The following LRRC20 variants were observed in gnomAD, a reference collection of about 807,000 sequenced individuals.
The protein encoded by LRRC20 is leucine-rich repeat-containing protein 20.
In LRRC20, 11 loss-of-function variants were observed where a neutral mutation model predicts 14.4. The ratio of observed to expected loss-of-function variants is 0.77; its 90% CI spans 0.48 to 1.27. LRRC20 has a LOEUF of 1.27. LRRC20 is among the 50% of genes most tolerant of loss of function. LRRC20 has a pLI of 0.00. For synonymous variants in LRRC20, 121 were observed against 107.3 expected (o/e 1.13, Z -0.79); for missense variants, 219 against 251.2 (o/e 0.87, Z 0.87).
chr10:70,302,734 G>A (rs1409987874), intron 4 of LRRC20, among the ~76,000 whole-genome samples: 4 of 148,662 alleles, frequency 2.7e-5, no homozygotes, highest in Admixed American at 6.7e-5. Context: ...TTTTTGAGAC[G>A]GAGTTTCGCT....
intron 4 of LRRC20, among the ~76,000 whole-genome samples, chr10:70,308,579 A>G (rs374685969): frequency 4.8e-4 from 73 of 152,224 alleles, no homozygotes; most frequent in African/African-American, 1.6e-3. Flanking sequence ...TGTGTCCCCA[A>G]TAAGAAGACT....
intron 2 of LRRC20, among the ~76,000 whole-genome samples, chr10:70,346,456 G>A (rs1283640424): frequency 6.6e-6 from 1 of 152,064 alleles, no homozygotes; most frequent in African/African-American, 2.4e-5. Flanking sequence ...TTTCCCCTAT[G>A]GAAAATCCTA....
intron 4 of LRRC20, 40 bp from the exon 5 acceptor site, chr10:70,301,548 C>T (rs765885022): frequency 9.4e-6 from 15 of 1,599,456 alleles, no homozygotes; most frequent in Non-Finnish European, 1.2e-5. Flanking sequence ...TGGTGGAGGC[C>T]AACCAGACAG....
chr10:70,352,769 T>G (rs559800184), intron 2 of LRRC20, among the ~76,000 whole-genome samples: 2 of 152,308 alleles, frequency 1.3e-5, no homozygotes, highest in African/African-American at 4.8e-5. Context: ...ATTAAATATT[T>G]TTTAAAATGT....
At chr10:70,322,361 G>A (rs1225116630) in intron 4 of LRRC20, among the ~76,000 whole-genome samples, 1 of 152,228 alleles carries the variant, frequency 6.6e-6, no homozygotes, top group Non-Finnish European at 1.5e-5. Context: ...AGGAAGTGGA[G>A]GCATCTTGAG....
At chr10:70,356,882 CA>C (rs533054891) in intron 2 of LRRC20, among the ~76,000 whole-genome samples, 5 of 149,886 alleles carry the variant, frequency 3.3e-5, no homozygotes, top group African/African-American at 1.2e-4. Flanking sequence ...CAAAGCAAAA[CA>C]AAAAAAAACA....
At chr10:70,302,713 C>CT (rs766170383) in intron 4 of LRRC20, among the ~76,000 whole-genome samples, 5,654 of 140,088 alleles carry the variant, frequency 0.04, 168 homozygotes, top group East Asian at 0.093. Context: ...GTCTCTATTT[C>CT]TTTTTTTTTT....
intron 3 of LRRC20, among the ~76,000 whole-genome samples, chr10:70,331,915 T>G (rs996884356): frequency 6.6e-6 from 1 of 152,228 alleles, no homozygotes; most frequent in Non-Finnish European, 1.5e-5. Context: ...TTGCCAAGGC[T>G]GACTCAGAGG....
At position 70,354,661 on chromosome 10, in the gene LRRC20, G is replaced by A. The variant is rs116717520; in HGVS notation, c.83-13959C>T. ...TAATGGGGTGGTAATGACAGTAACT[G>A]AGTGCTGGCTGCTCCTGCCTGCCTA... is the stretch of plus-strand genomic sequence containing the variant. On this transcript the variant is annotated intron_variant, in intron 2 of 4. Coordinates refer to ENST00000446961, the MANE Select transcript of LRRC20 (RefSeq NM_001278212.2). Among the ~76,000 whole-genome samples, 487 of 152,308 alleles carry A rather than the reference G, an allele frequency of 3.2e-3. 4 individuals are homozygous for A. The highest frequency in any genetic ancestry group is 0.011 in the African/African-American group (468 of 41,546).
rs534510574 is a variant in LRRC20, at chr10:70,367,906, C to T, written c.82+8546G>A. On this transcript the variant is annotated intron_variant, in intron 2 of 4. Coordinates refer to ENST00000446961, the MANE Select transcript of LRRC20 (RefSeq NM_001278212.2). ...TGCTAAAATCCACACTACCAGCCCCCGCCCTCACAGATTCTATTTTCACAG... is the reference window on the plus strand; with the variant it reads ...TGCTAAAATCCACACTACCAGCCCCTGCCCTCACAGATTCTATTTTCACAG... 2.2e-5 allele frequency among the ~76,000 whole-genome samples: 3 copies of T among 138,240 alleles called. No individual in the cohort carries two copies. In the South Asian group the frequency reaches 7.2e-4, roughly 33 times the overall value. The allele number at this position is 138,240 out of a possible 152,430, so 90.7% of individuals were successfully genotyped here. A position where few individuals can be genotyped will look rare whatever the true frequency, so the allele number is the denominator to read the frequency against.
At chr10:70,372,682 T>C (rs1053338067) in intron 2 of LRRC20, among the ~76,000 whole-genome samples, 4 of 151,996 alleles carry the variant, frequency 2.6e-5, no homozygotes, top group Non-Finnish European at 5.9e-5. Flanking sequence ...GACCTTGTGA[T>C]CCGCCCGCCT....
intron 4 of LRRC20, among the ~76,000 whole-genome samples, chr10:70,310,320 T>C (rs909868262): frequency 1.2e-4 from 19 of 152,190 alleles, no homozygotes; most frequent in Non-Finnish European, 2.2e-4. Flanking sequence ...AACTGAGGCT[T>C]GGAGAGGTTA....
chr10:70,357,968 C>A (rs1411267799), intron 2 of LRRC20, among the ~76,000 whole-genome samples: 3 of 152,148 alleles, frequency 2.0e-5, no homozygotes, highest in South Asian at 2.1e-4. Context: ...GGTCTTCCTG[C>A]AAGGAAAGCA....
chr10:70,349,786 A>G (rs1044311515), intron 2 of LRRC20, among the ~76,000 whole-genome samples: 4 of 152,162 alleles, frequency 2.6e-5, no homozygotes, highest in African/African-American at 9.7e-5. Flanking sequence ...GAATGCAAAG[A>G]TTCAAAACCA....
intron 2 of LRRC20, among the ~76,000 whole-genome samples, chr10:70,362,321 G>A (rs996811388): frequency 6.6e-6 from 1 of 152,250 alleles, no homozygotes; most frequent in Admixed American, 6.5e-5. Flanking sequence ...ATAGTTCAAA[G>A]GACTGATAGT....
intron 2 of LRRC20, among the ~76,000 whole-genome samples, chr10:70,371,539 G>A (rs1844271663): frequency 6.6e-6 from 1 of 152,068 alleles, no homozygotes. Flanking sequence ...GAGGAGCGGG[G>A]TGCAGGGAAG....
chr10:70,320,003 C>A (rs1351161255), intron 4 of LRRC20, among the ~76,000 whole-genome samples: 2 of 152,114 alleles, frequency 1.3e-5, no homozygotes. Context: ...TCCCTTTCAC[C>A]TGAACCGGGC....
intron 4 of LRRC20, among the ~76,000 whole-genome samples, chr10:70,321,061 G>A (rs1432801932): frequency 1.3e-5 from 2 of 152,116 alleles, no homozygotes; most frequent in African/African-American, 4.8e-5. Flanking sequence ...ATTCACTTGG[G>A]TCTTGTTTCA....
intron 2 of LRRC20, among the ~76,000 whole-genome samples, chr10:70,342,252 G>A (rs1228035236): frequency 1.3e-5 from 2 of 151,972 alleles, no homozygotes; most frequent in Non-Finnish European, 2.9e-5. Flanking sequence ...AAAGGTTGCA[G>A]TGAGCTGAGA....
Sources: allele counts gnomAD v4.1 joint callset (sites outside exome capture counted in the v4.1 genomes callset), GRCh38; gene constraint gnomAD v4.1.1; transcripts MANE v1.5; gene names NCBI Gene and HGNC (gene_info 2026-07-23, HGNC 2026-07-21).